PALM2AKAP2: variants seen among roughly 807,000 people sequenced by gnomAD.
PALM2AKAP2 encodes the protein PALM2 and AKAP2 fusion, also known as PALM2-AKAP2 fusion protein.
In PALM2AKAP2, 37 loss-of-function variants were observed where a neutral mutation model predicts 71.5. The ratio of observed to expected loss-of-function variants is 0.52; its 90% CI spans 0.40 to 0.68. PALM2AKAP2 has a LOEUF of 0.68. Ranked by LOEUF, PALM2AKAP2 falls within the 30% of genes least tolerant of loss-of-function variation. PALM2AKAP2 has a pLI of 0.00. For synonymous variants in PALM2AKAP2, 468 were observed against 478.8 expected, an observed-to-expected ratio of 0.98 and a Z score of 0.29; for missense variants, 1,224 against 1,191.8, an observed-to-expected ratio of 1.03 and a Z score of -0.40.
At position 109,913,377 on chromosome 9, in the gene PALM2AKAP2, G is replaced by A. The variant is rs113752711; in HGVS notation, c.258-10358G>A. 2.4e-3 allele frequency among the ~76,000 whole-genome samples: 372 copies of A among 152,272 alleles called. 1 individual carries two copies. The highest frequency in any genetic ancestry group is 8.3e-3 in the African/African-American group (345 of 41,530). On this transcript the variant is annotated intron_variant, in intron 3 of 9. Coordinates refer to the PALM2AKAP2 transcript ENST00000302798. Reference sequence around the variant, plus strand: ...AGGAAGCCAGACGGACACAAATAGCGCACCAAAGAGATGCTAAGACATGGG... The same window carrying A: ...AGGAAGCCAGACGGACACAAATAGCACACCAAAGAGATGCTAAGACATGGG...
intron 1 of PALM2AKAP2, among the ~76,000 whole-genome samples, chr9:110,084,386 C>T (rs1156959388): frequency 6.6e-6 from 1 of 152,106 alleles, no homozygotes; most frequent in East Asian, 1.9e-4. Context: ...TATCATTCTC[C>T]ATATTGAGAA....
intron 2 of PALM2AKAP2, among the ~76,000 whole-genome samples, chr9:110,145,891 C>CTTTTTTT (rs61137720): frequency 8.5e-4 from 55 of 64,490 alleles, no homozygotes; most frequent in Admixed American, 1.2e-3. Context: ...CCTCACTCTT[C>CTTTTTTT]TTTTTTTTTT....
chr9:109,867,164 C>CTCTCTGTGTGTG (rs879237135), intron 1 of PALM2AKAP2: 72 of 399,906 alleles, frequency 1.8e-4, no homozygotes, highest in Non-Finnish European at 3.1e-4. Flanking sequence ...ACATGGTTCT[C>CTCTCTGTGTGTG]TGTGTGTGTG....
At chr9:110,000,118 G>A (rs959376993) in intron 6 of PALM2AKAP2, among the ~76,000 whole-genome samples, 5 of 151,296 alleles carry the variant, frequency 3.3e-5, no homozygotes, top group Admixed American at 2.0e-4. Context: ...ACATTAACTC[G>A]TCATTTAACA....
intron 1 of PALM2AKAP2, among the ~76,000 whole-genome samples, chr9:110,084,943 T>C (rs1172984741): frequency 2.2e-4 from 34 of 152,052 alleles, no homozygotes; most frequent in Non-Finnish European, 2.9e-5. Flanking sequence ...GATTTCACTG[T>C]GTTAGTCAGG....
exon 2 of PALM2AKAP2, chr9:110,136,215 C>T (rs752293957): frequency 6.2e-7 from 1 of 1,614,156 alleles, no homozygotes; most frequent in South Asian, 1.1e-5. Flanking sequence ...GCTGCCAGCT[C>T]TCTTTCCCCA....
chr9:110,147,840 G>T (rs2119169680), intron 2 of PALM2AKAP2, among the ~76,000 whole-genome samples: 1 of 152,312 alleles, frequency 6.6e-6, no homozygotes, highest in East Asian at 1.9e-4. Context: ...GCAGTTGTGA[G>T]CCTGAAATAA....
intron 1 of PALM2AKAP2, among the ~76,000 whole-genome samples, chr9:109,762,861 G>T (rs188333196): frequency 6.6e-6 from 1 of 152,182 alleles, no homozygotes; most frequent in Admixed American, 6.5e-5. Context: ...CATTCCCCAG[G>T]GGGTGGAGGG....
intron 6 of PALM2AKAP2, among the ~76,000 whole-genome samples, chr9:109,976,951 A>G (rs991470826): frequency 2.6e-5 from 4 of 152,160 alleles, no homozygotes; most frequent in African/African-American, 9.7e-5. Context: ...ACTTGGTGCC[A>G]GAGCTTCAGG....
intron 6 of PALM2AKAP2, chr9:109,944,600 A>G (rs557944359): frequency 1.3e-5 from 2 of 152,306 alleles, no homozygotes; most frequent in East Asian, 3.9e-4. Flanking sequence ...AAAAATTAAG[A>G]AAGACCTATC....
intron 7 of PALM2AKAP2, among the ~76,000 whole-genome samples, chr9:110,022,501 A>T (rs1289016801): frequency 6.6e-6 from 1 of 151,612 alleles, no homozygotes; most frequent in African/African-American, 2.4e-5. Context: ...CTCTCTTTAT[A>T]TTCACATCTT....
chr9:109,726,249 A>G (rs1828474850), intron 1 of PALM2AKAP2, among the ~76,000 whole-genome samples: 2 of 152,136 alleles, frequency 1.3e-5, no homozygotes, highest in African/African-American at 2.4e-5. Flanking sequence ...TTGCAATCAG[A>G]AGCTAGTGAC....
At chr9:109,731,111 C>T (rs147016102) in intron 1 of PALM2AKAP2, among the ~76,000 whole-genome samples, 3 of 152,260 alleles carry the variant, frequency 2.0e-5, no homozygotes, top group East Asian at 1.9e-4. Flanking sequence ...TGTATATTGA[C>T]GTTAACTTAT....
chr9:109,900,922 T>A (rs560448083), intron 3 of PALM2AKAP2, among the ~76,000 whole-genome samples: 1 of 152,334 alleles, frequency 6.6e-6, no homozygotes, highest in East Asian at 1.9e-4. Flanking sequence ...GGTCTCTTCT[T>A]CTAAAAAGTA....
At chr9:110,076,492 C>CATATAGATATAT (rs1834324578) in intron 1 of PALM2AKAP2, among the ~76,000 whole-genome samples, 1 of 106,760 alleles carries the variant, frequency 9.4e-6, no homozygotes, top group African/African-American at 4.5e-5. Context: ...ATATATTCTA[C>CATATAGATATAT]ATATATATAT....
At position 110,048,887 on chromosome 9, in the gene PALM2AKAP2, G is replaced by A. The variant is rs764099748; in HGVS notation, c.156+32G>A. The A allele has an allele frequency of 7.3e-6, 11 of 1,515,136 alleles. No individual in the cohort carries two copies. In the South Asian group the frequency reaches 1.2e-4, roughly 17 times the overall value. 93.9% of individuals were successfully genotyped at this position (1,515,136 alleles called of 1,614,324 possible). On this transcript the variant is annotated intron_variant, in intron 1 of 3. Transcript: ENST00000374525. ...GTCCAAGCTGGGGAGGGGAGGGGCT[G>A]GAGTGTCCTCGAGTGTGAGGAAGGG... is the stretch of plus-strand genomic sequence containing the variant.
intron 6 of PALM2AKAP2, among the ~76,000 whole-genome samples, chr9:109,980,391 A>G (rs1231289222): frequency 1.3e-5 from 2 of 152,142 alleles, no homozygotes; most frequent in Non-Finnish European, 2.9e-5. Flanking sequence ...TCTTCCTCAA[A>G]GCAAATGGGA....
At chr9:109,804,613 A>AT (rs1049427174) in intron 1 of PALM2AKAP2, among the ~76,000 whole-genome samples, 92 of 152,254 alleles carry the variant, frequency 6.0e-4, no homozygotes, top group African/African-American at 2.0e-3. Flanking sequence ...TTACGTACAC[A>AT]TTTTTCTGGT....
At chr9:109,768,981 A>G (rs749611897) in intron 1 of PALM2AKAP2, among the ~76,000 whole-genome samples, 47 of 152,228 alleles carry the variant, frequency 3.1e-4, no homozygotes, top group Non-Finnish European at 6.3e-4. Flanking sequence ...TATAAAAACA[A>G]CTTAAGTTCA....
Sources: allele counts gnomAD v4.1 joint callset (sites outside exome capture counted in the v4.1 genomes callset), GRCh38; gene constraint gnomAD v4.1.1; transcripts MANE v1.5; gene names NCBI Gene and HGNC (gene_info 2026-07-23, HGNC 2026-07-21).